Variants in MGAT4C observed in about 807,000 individuals in gnomAD.
MGAT4C encodes the protein alpha-1,3-mannosyl-glycoprotein 4-beta-N-acetylglucosaminyltransferase C.
A neutral mutation model predicts 40.1 loss-of-function variants in MGAT4C; 19 were observed. The ratio of observed to expected loss-of-function variants is 0.47; its 90% confidence interval spans 0.33 to 0.70. The LOEUF is 0.70. Ranked by LOEUF, MGAT4C falls within the 30% of genes least tolerant of loss-of-function variation. The pLI, the probability that MGAT4C is intolerant of heterozygous loss-of-function variation, is 0.02. For missense variants in MGAT4C, 491 were observed against 563.2 expected, an observed-to-expected ratio of 0.87 and a Z score of 1.30; for synonymous variants, 181 against 187.1, an observed-to-expected ratio of 0.97 and a Z score of 0.27.
intron 2 of MGAT4C, among the ~76,000 whole-genome samples, chr12:86,712,517 G>C (rs1296440598): frequency 6.6e-6 from 1 of 152,128 alleles, no homozygotes; most frequent in African/African-American, 2.4e-5. Context: ...TTTAGGGGAT[G>C]CTGGAATCTC....
At chr12:86,296,366 A>G (rs1480485204) in intron 4 of MGAT4C, among the ~76,000 whole-genome samples, 1 of 45,956 alleles carries the variant, frequency 2.2e-5, no homozygotes, top group Non-Finnish European at 5.9e-5. Context: ...CCAGGGCTGC[A>G]GGTGGAGCTG....
intron 1 of MGAT4C, among the ~76,000 whole-genome samples, chr12:86,205,857 TG>T (rs1950229924): frequency 6.6e-6 from 1 of 152,102 alleles, no homozygotes; most frequent in Admixed American, 6.5e-5. Flanking sequence ...GTGAACTTCG[TG>T]TTTTTAGTTA....
chr12:86,295,810 T>C (rs1289002741), intron 4 of MGAT4C, among the ~76,000 whole-genome samples: 5 of 152,094 alleles, frequency 3.3e-5, no homozygotes, highest in Non-Finnish European at 1.5e-5. Context: ...AGCAGCTAGA[T>C]ACAGAGTGTG....
intron 2 of MGAT4C, among the ~76,000 whole-genome samples, chr12:86,487,466 A>G (rs1958040030): frequency 6.6e-6 from 1 of 152,124 alleles, no homozygotes; most frequent in Non-Finnish European, 1.5e-5. Context: ...GTGGCTATTG[A>G]CTTTAGTTGT....
chr12:86,550,278 A>G (rs1959285686), intron 2 of MGAT4C, among the ~76,000 whole-genome samples: 1 of 152,190 alleles, frequency 6.6e-6, no homozygotes, highest in South Asian at 2.1e-4. Flanking sequence ...TCTTTACAGC[A>G]GTGTGAGAAT....
At chr12:86,271,204 A>C (rs1263576052) in intron 4 of MGAT4C, among the ~76,000 whole-genome samples, 1 of 152,238 alleles carries the variant, frequency 6.6e-6, no homozygotes, top group African/African-American at 2.4e-5. Context: ...CAGCAGAGGA[A>C]ACAACACAGT....
At position 86,060,163 on chromosome 12, in the gene MGAT4C, C is replaced by G. The variant is rs76263035; in HGVS notation, c.-56-10440G>C. On this transcript the variant is annotated intron_variant, in intron 1 of 4. Transcript: ENST00000611864. The stretch of plus-strand genomic sequence containing the variant: ...ATCTATTTATAGGTCAAGGGCTCTA[C>G]TAAGCTTTCTGACACACAAAGGTAG... Among the ~76,000 whole-genome samples, 236 of 152,246 alleles carry G rather than the reference C, an allele frequency of 1.6e-3. 10 individuals carry two copies. In the East Asian group the frequency reaches 0.037, roughly 24 times the overall value.
At chr12:86,717,398 C>A (rs552275283) in intron 2 of MGAT4C, among the ~76,000 whole-genome samples, 6 of 152,024 alleles carry the variant, frequency 3.9e-5, no homozygotes, top group Non-Finnish European at 1.5e-5. Context: ...TAGTCCTAAC[C>A]CCTTTGTTCC....
intron 1 of MGAT4C, among the ~76,000 whole-genome samples, chr12:86,754,590 G>A (rs1219572356): frequency 6.6e-6 from 1 of 152,072 alleles, no homozygotes; most frequent in Non-Finnish European, 1.5e-5. Context: ...TGCAGCCTGA[G>A]AAGAGATATT....
chr12:86,346,855 T>C (rs1377078606), intron 3 of MGAT4C, among the ~76,000 whole-genome samples: 4 of 152,050 alleles, frequency 2.6e-5, no homozygotes, highest in African/African-American at 7.2e-5. Context: ...GGCTAGAAAA[T>C]GTACGTGGAA....
rs1218781338 is a variant in MGAT4C at position 85,978,678 on chromosome 12, T to C, written c.*611A>G. 6.6e-6 allele frequency: 1 copy of C among 151,936 alleles called. No individual in the cohort carries two copies. Among genetic ancestry groups the C allele is most frequent in the Non-Finnish European group, 1.5e-5 (1 of 67,642 alleles). The allele number at this position is 151,936 out of a possible 1,614,324, so 9.4% of individuals were successfully genotyped here. A position where few individuals can be genotyped will look rare whatever the true frequency, so the allele number is the denominator to read the frequency against. Reference sequence around the variant, plus strand: ...TTAAATGTTTTTAAACAATGAACAATATCCCCTTTCATATAAATAATCAGG... The same window carrying C: ...TTAAATGTTTTTAAACAATGAACAACATCCCCTTTCATATAAATAATCAGG... On this transcript the variant is annotated 3_prime_UTR_variant, in exon 5 of 5. Transcript: ENST00000611864.
chr12:86,783,556 A>G (rs1951882005), intron 1 of MGAT4C, among the ~76,000 whole-genome samples: 2 of 152,154 alleles, frequency 1.3e-5, no homozygotes, highest in South Asian at 4.1e-4. Flanking sequence ...TATAAGATCC[A>G]TATTTGTTTT....
In MGAT4C at chr12:85,959,598, A is replaced by G. The variant is rs1337826448; in HGVS notation, c.*19691T>C. 2 of 151,916 alleles carry G rather than the reference A, an allele frequency of 1.3e-5. No homozygotes were observed. Among genetic ancestry groups the G allele is most frequent in the Non-Finnish European group, 2.9e-5 (2 of 67,932 alleles). 9.4% of individuals were successfully genotyped at this position (151,916 alleles called of 1,614,324 possible). On this transcript the variant is annotated 3_prime_UTR_variant, in exon 5 of 5. Coordinates refer to ENST00000611864, the MANE Select transcript of MGAT4C (RefSeq NM_001351288.2). ...TATTCAAAAAAGTTATTGAAATCACATCTTTAAATCTGACCCAGCCACTTG... is the reference window on the plus strand; with the variant it reads ...TATTCAAAAAAGTTATTGAAATCACGTCTTTAAATCTGACCCAGCCACTTG...
chr12:86,244,559 C>T (rs575870745), intron 1 of MGAT4C, among the ~76,000 whole-genome samples: 1 of 152,322 alleles, frequency 6.6e-6, no homozygotes, highest in South Asian at 2.1e-4. Context: ...TAATGAGCTT[C>T]TACTCTGCGC....
chr12:86,041,687 G>C (rs959905289), intron 2 of MGAT4C, among the ~76,000 whole-genome samples: 1 of 152,126 alleles, frequency 6.6e-6, no homozygotes, highest in Non-Finnish European at 1.5e-5. Context: ...TGATTCTGTG[G>C]TTAGTGTGAT....
At chr12:86,341,978 C>T (rs900828275) in intron 3 of MGAT4C, among the ~76,000 whole-genome samples, 5 of 152,170 alleles carry the variant, frequency 3.3e-5, no homozygotes, top group African/African-American at 9.7e-5. Flanking sequence ...AGTGGACCCC[C>T]AGCGCAGCAG....
At chr12:86,730,205 G>T (rs1189066938) in intron 1 of MGAT4C, among the ~76,000 whole-genome samples, 1 of 151,998 alleles carries the variant, frequency 6.6e-6, no homozygotes, top group Middle Eastern at 3.2e-3. Flanking sequence ...TCAACTTGTA[G>T]ATTGAATTCC....
chr12:86,132,621 G>C (rs1170675190), intron 1 of MGAT4C, among the ~76,000 whole-genome samples: 3 of 151,780 alleles, frequency 2.0e-5, no homozygotes, highest in Non-Finnish European at 4.4e-5. Context: ...ATGAAACCCC[G>C]TCTCTACTAA....
At chr12:86,177,783 A>T (rs56200537) in intron 1 of MGAT4C, among the ~76,000 whole-genome samples, 9,474 of 152,178 alleles carry the variant, frequency 0.062, 427 homozygotes, top group Middle Eastern at 0.2. Context: ...TTTCCATATG[A>T]ACCTTAGCTT....
Sources: gnomAD v4.1 joint callset for allele counts (sites outside exome capture counted in the v4.1 genomes callset) on GRCh38, gnomAD v4.1.1 for gene constraint, MANE v1.5 for transcripts, NCBI Gene and HGNC (gene_info 2026-07-23, HGNC 2026-07-21) for gene names.